The following ZNF385C variants were observed in gnomAD, a reference collection of about 807,000 sequenced individuals.
ZNF385C encodes zinc finger protein 385C.
In ZNF385C, 28 loss-of-function variants were observed where a neutral mutation model predicts 35.4. The ratio of observed to expected loss-of-function variants is 0.79; its 90% CI spans 0.59 to 1.08. The LOEUF is 1.08. ZNF385C is among the 50% of genes least tolerant of loss of function. The pLI is 0.00. For missense variants in ZNF385C, 605 were observed against 595.6 expected, an observed-to-expected ratio of 1.02 and a Z score of -0.16; for synonymous variants, 248 against 248.2, an observed-to-expected ratio of 1.00 and a Z score of 0.01.
chr17:42,047,137 T>C (rs1159210073), intron 2 of ZNF385C, among the ~76,000 whole-genome samples: 1 of 151,996 alleles, frequency 6.6e-6, no homozygotes, highest in African/African-American at 2.4e-5. Flanking sequence ...GTTCACGCCA[T>C]TCTCCTGCCT....
chr17:42,028,327 T>A, intron 6 of ZNF385C, 81 bp from the exon 7 acceptor site: 2 of 1,413,060 alleles, frequency 1.4e-6, no homozygotes, highest in Non-Finnish European at 1.9e-6. Context: ...CTCATGCAAT[T>A]TGGCTCTCCC....
intron 2 of ZNF385C, among the ~76,000 whole-genome samples, chr17:42,054,540 C>T (rs2053341387): frequency 6.6e-6 from 1 of 151,462 alleles, no homozygotes; most frequent in Non-Finnish European, 1.5e-5. Flanking sequence ...CTGGGCGATG[C>T]CAGGAAGGAG....
At chr17:42,043,016 T>G in intron 2 of ZNF385C, 1 of 1,232,344 alleles carries the variant, frequency 8.1e-7, no homozygotes, top group Non-Finnish European at 1.0e-6. Context: ...AACTCCACCT[T>G]GACGCCCCTG....
Position 42,042,885 on chromosome 17 carries a change from C to T in ZNF385C, c.251-5000G>A, listed in dbSNP as rs1191029298. 9 of 1,232,222 alleles carry T rather than the reference C, an allele frequency of 7.3e-6. No homozygotes were observed. The African/African-American group carries it at 1.2e-4, about 17-fold the overall frequency. 76.3% of individuals were successfully genotyped at this position (1,232,222 alleles called of 1,614,324 possible). On this transcript the variant is annotated intron_variant, in intron 2 of 8. Transcript: ENST00000692273. ...TGTAGTAATCGCCATGCTCTGTGCCCAGCAGTGCCTGGCACAGGTTGAACC... is the reference window on the plus strand; with the variant it reads ...TGTAGTAATCGCCATGCTCTGTGCCTAGCAGTGCCTGGCACAGGTTGAACC...
chr17:42,087,136 A>G (rs2053818040), intron 1 of ZNF385C, among the ~76,000 whole-genome samples: 1 of 152,208 alleles, frequency 6.6e-6, no homozygotes, highest in Non-Finnish European at 1.5e-5. Flanking sequence ...TAATACTATT[A>G]AGCATATACT....
chr17:42,062,895 C>G lies in ZNF385C; in HGVS notation c.162G>C (p.Ser54=), dbSNP rs781922039. 7 of 681,870 alleles carry G rather than the reference C, an allele frequency of 1.0e-5. No individual in the cohort carries two copies. The highest frequency in any genetic ancestry group is 1.9e-5 in the Non-Finnish European group (7 of 374,890). The allele number at this position is 681,870 out of a possible 1,614,324, so 42.2% of individuals were successfully genotyped here. A position where few individuals can be genotyped will look rare whatever the true frequency, so the allele number is the denominator to read the frequency against. ...CACAGTGCACCTGGGCCTGGGCCGCCGAGTTCAGCTGGATGTTGCAGACAT... is the reference window on the plus strand; with the variant it reads ...CACAGTGCACCTGGGCCTGGGCCGCGGAGTTCAGCTGGATGTTGCAGACAT... ...LCDVCNIQLN[S]AAQAQVHCGG... The change falls in exon 2 of 9, where the codon TCG becomes TCC. Residue 54 remains serine, a synonymous_variant. Transcript: ENST00000692273.
chr17:42,037,643 G>A, intron 3 of ZNF385C, 94 bp downstream of exon 3: 1 of 1,395,876 alleles, frequency 7.2e-7, no homozygotes, highest in Non-Finnish European at 9.4e-7. Context: ...CTCCTGGTTA[G>A]ACCCAGCTGC....
chr17:42,060,447 ACACCCTGCACACTC>A (rs1347254226), intron 2 of ZNF385C, among the ~76,000 whole-genome samples: 1 of 152,010 alleles, frequency 6.6e-6, no homozygotes, highest in Non-Finnish European at 1.5e-5. Flanking sequence ...TGTCCTCTCC[ACACCCTGCACACTC>A]CCTGCACACA....
intron 1 of ZNF385C, among the ~76,000 whole-genome samples, chr17:42,096,027 C>T (rs2053913376): frequency 6.6e-6 from 1 of 152,232 alleles, no homozygotes; most frequent in East Asian, 1.9e-4. Context: ...TTGGATTTAT[C>T]TGCCTCCTGA....
chr17:42,085,483 G>A (rs559865552), intron 1 of ZNF385C, among the ~76,000 whole-genome samples: 4 of 146,950 alleles, frequency 2.7e-5, no homozygotes, highest in Non-Finnish European at 6.0e-5. Context: ...ACAGGGTTTC[G>A]CCATGTTGCC....
chr17:42,074,094 C>G (rs1286520260), intron 1 of ZNF385C, among the ~76,000 whole-genome samples: 1 of 152,218 alleles, frequency 6.6e-6, no homozygotes, highest in Non-Finnish European at 1.5e-5. Flanking sequence ...AGCCCCTTTC[C>G]CCAGCTTCAT....
chr17:42,026,945 T>C lies in ZNF385C; in HGVS notation c.1464A>G (p.Ala488=). ...ILGPALFRTP[A]GAVRPATGPI... is the part of the protein sequence containing the mutation. ...GTCCTGTGGCAGGGCGGACAGCTCC[T>C]GCTGGGGTGCGAAACAGAGCTGGGC... The change falls in exon 9 of 9, where the codon GCA becomes GCG. Residue 488 remains alanine (A), a synonymous_variant. Transcript: ENST00000692273. 1.9e-6 allele frequency: 3 copies of C among 1,610,488 alleles called. No individual in the cohort carries two copies. The highest frequency in any genetic ancestry group is 2.5e-6 in the Non-Finnish European group (3 of 1,178,316).
intron 1 of ZNF385C, among the ~76,000 whole-genome samples, chr17:42,090,411 C>T (rs1428286818): frequency 1.3e-5 from 2 of 151,144 alleles, no homozygotes; most frequent in African/African-American, 4.9e-5. Context: ...TTCAGCCTCC[C>T]GAGTAGCTGG....
intron 1 of ZNF385C, among the ~76,000 whole-genome samples, chr17:42,065,734 G>T (rs2053538000): frequency 6.6e-6 from 1 of 152,132 alleles, no homozygotes; most frequent in African/African-American, 2.4e-5. Context: ...TCGCTATGTT[G>T]CCCAGGCTGG....
At chr17:42,079,805 G>A (rs1306616313) in intron 1 of ZNF385C, among the ~76,000 whole-genome samples, 6 of 152,068 alleles carry the variant, frequency 3.9e-5, no homozygotes, top group African/African-American at 7.2e-5. Context: ...ACAGCCTTGC[G>A]TTGGAAACTA....
chr17:42,094,466 G>A (rs2053897159), intron 1 of ZNF385C, among the ~76,000 whole-genome samples: 1 of 152,150 alleles, frequency 6.6e-6, no homozygotes, highest in Admixed American at 6.5e-5. Flanking sequence ...GTGAGAGAGA[G>A]GGACAGAGAG....
chr17:42,029,373 A>G (rs1441123883), intron 5 of ZNF385C, among the ~76,000 whole-genome samples: 6 of 152,214 alleles, frequency 3.9e-5, no homozygotes, highest in Non-Finnish European at 8.8e-5. Flanking sequence ...TCATAATATC[A>G]TAAAACTGAA....
chr17:42,084,895 G>A (rs1244625413), intron 1 of ZNF385C, among the ~76,000 whole-genome samples: 1 of 152,126 alleles, frequency 6.6e-6, no homozygotes, highest in Non-Finnish European at 1.5e-5. Flanking sequence ...GGGATTACAG[G>A]TGTGAGCCAC....
chr17:42,079,099 C>T (rs1598203101), intron 1 of ZNF385C, among the ~76,000 whole-genome samples: 1 of 148,918 alleles, frequency 6.7e-6, no homozygotes, highest in Non-Finnish European at 1.5e-5. Flanking sequence ...ATCTCGGCAC[C>T]TTGGAAGGAT....
Sources: gnomAD v4.1 joint callset for allele counts (sites outside exome capture counted in the v4.1 genomes callset) on GRCh38, gnomAD v4.1.1 for gene constraint, MANE v1.5 for transcripts, NCBI Gene and HGNC (gene_info 2026-07-23, HGNC 2026-07-21) for gene names.